PRKCE: variants seen among roughly 807,000 people sequenced by gnomAD.
The protein encoded by PRKCE is protein kinase C epsilon type.
PRKCE carries 16 observed loss-of-function variants against 85.4 expected under a neutral mutation model. That is an observed-to-expected ratio of 0.19 (90% confidence interval 0.13 to 0.28). PRKCE has a LOEUF of 0.28. Among genes scored for constraint, PRKCE ranks in the 10% least tolerant of loss-of-function variants. The pLI is 1.00. For synonymous variants in PRKCE, 388 were observed against 371.5 expected, an observed-to-expected ratio of 1.04 and a Z score of -0.51; for missense variants, 573 against 975.2, an observed-to-expected ratio of 0.59 and a Z score of 5.49.
chr2:45,817,140 G>A (rs1032728998), intron 1 of PRKCE, among the ~76,000 whole-genome samples: 7 of 151,168 alleles, frequency 4.6e-5, no homozygotes, highest in Admixed American at 6.6e-5. Context: ...CAGGGGGAGC[G>A]ACCTCTTTTG....
intron 11 of PRKCE, among the ~76,000 whole-genome samples, chr2:46,127,918 G>A (rs1431470332): frequency 6.6e-6 from 1 of 152,214 alleles, no homozygotes; most frequent in Non-Finnish European, 1.5e-5. Flanking sequence ...AAACACAGTG[G>A]GTCAGCTCAC....
At chr2:46,112,653 G>C (rs1672384578) in intron 11 of PRKCE, among the ~76,000 whole-genome samples, 1 of 152,038 alleles carries the variant, frequency 6.6e-6, no homozygotes, top group South Asian at 2.1e-4. Context: ...CCAAGTAGCT[G>C]GGATTACAGG....
chr2:46,165,263 C>G (rs959427518), intron 14 of PRKCE, among the ~76,000 whole-genome samples: 5 of 152,230 alleles, frequency 3.3e-5, no homozygotes, highest in Non-Finnish European at 7.3e-5. Flanking sequence ...TCCACTTTCC[C>G]TTTTGTATTC....
chr2:45,733,106 G>T (rs1466429846), intron 1 of PRKCE, among the ~76,000 whole-genome samples: 2 of 152,204 alleles, frequency 1.3e-5, no homozygotes, highest in Non-Finnish European at 2.9e-5. Flanking sequence ...TGGGGCTGCG[G>T]TTTACTGGTG....
chr2:46,089,051 G>A (rs1227602186), intron 11 of PRKCE, among the ~76,000 whole-genome samples: 1 of 152,060 alleles, frequency 6.6e-6, no homozygotes, highest in Non-Finnish European at 1.5e-5. Context: ...TCACCAACCT[G>A]TGACCACTTT....
At chr2:45,698,371 T>C (rs541311622) in intron 1 of PRKCE, among the ~76,000 whole-genome samples, 33 of 150,684 alleles carry the variant, frequency 2.2e-4, no homozygotes, top group South Asian at 8.4e-4. Context: ...CAGTTGGGGG[T>C]GAAAGTGAAG....
intron 2 of PRKCE, among the ~76,000 whole-genome samples, chr2:45,900,767 G>A (rs1425124664): frequency 1.3e-5 from 2 of 152,182 alleles, no homozygotes; most frequent in African/African-American, 2.4e-5. Context: ...TTTTAACCAC[G>A]TTTGTGTAAT....
At position 45,901,155 on chromosome 2, in the gene PRKCE, A is replaced by G. The variant is rs183962909; in HGVS notation, c.412+58092A>G. 6.0e-4 allele frequency among the ~76,000 whole-genome samples: 91 copies of G among 152,346 alleles called. 1 individual carries two copies. The highest frequency in any genetic ancestry group is 2.1e-3 in the African/African-American group (86 of 41,586). ...TATATAGATGTTTGGAATCCATTTT[A>G]CTGGAAATCTCATTGAGATTTGAGA... is the stretch of plus-strand genomic sequence containing the variant. On this transcript the variant is annotated intron_variant, in intron 2 of 14. Transcript: ENST00000306156.
chr2:45,757,111 C>G (rs983976975), intron 1 of PRKCE, among the ~76,000 whole-genome samples: 1 of 151,664 alleles, frequency 6.6e-6, no homozygotes, highest in African/African-American at 2.4e-5. Flanking sequence ...ATTAGCCAGG[C>G]TAATTTAGAG....
rs561987489 is a variant in PRKCE at position 45,907,200 on chromosome 2, A to G, written c.412+64137A>G. On this transcript the variant is annotated intron_variant, in intron 2 of 14. Coordinates refer to ENST00000306156, the MANE Select transcript of PRKCE (RefSeq NM_005400.3). This position sits in a 1 kb window ranked among gnomAD's most constrained non-coding sequence, Gnocchi z 4.5. ...GGAAAGAAAGCCCGAGAGAAGAGAA[A>G]AATGAAGCTTTAACTATCACAGAGC... Among the ~76,000 whole-genome samples, 3 of 152,360 alleles carry G rather than the reference A, an allele frequency of 2.0e-5. No individual in the cohort carries two copies. The highest frequency in any genetic ancestry group is 1.9e-4 in the East Asian group (1 of 5,184).
chr2:45,796,337 T>G (rs1019342372), intron 1 of PRKCE, among the ~76,000 whole-genome samples: 1 of 152,216 alleles, frequency 6.6e-6, no homozygotes, highest in African/African-American at 2.4e-5. Context: ...CTTTATGCAT[T>G]AATTTTCTCA....
At chr2:45,738,366 G>C (rs1270089690) in intron 1 of PRKCE, among the ~76,000 whole-genome samples, 1 of 152,096 alleles carries the variant, frequency 6.6e-6, no homozygotes, top group East Asian at 1.9e-4. Context: ...GAGCTGATTT[G>C]CTGTTTTCTT....
At chr2:45,915,549 T>C (rs1168974747) in intron 2 of PRKCE, among the ~76,000 whole-genome samples, 3 of 152,184 alleles carry the variant, frequency 2.0e-5, no homozygotes, top group Non-Finnish European at 1.5e-5. Flanking sequence ...AGGAGCAAGT[T>C]GTTTCTACCT....
chr2:45,652,142 G>A lies in PRKCE; in HGVS notation c.42G>A (p.Glu14=). The change falls in exon 1 of 15, where the codon GAG becomes GAA. Residue 14 remains glutamate, a synonymous_variant. Transcript: ENST00000306156. The surrounding 1 kb of genome is among the most constrained non-coding windows in gnomAD (Gnocchi z 7.7). The stretch of plus-strand genomic sequence containing the variant: ...GCCTTCTTAAGATCAAAATCTGCGA[G>A]GCCGTGAGCTTGAAGCCCACAGCCT... The part of the protein sequence containing the change: ...FNGLLKIKIC[E]AVSLKPTAWS... The A allele has an allele frequency of 6.2e-7, 1 of 1,602,174 alleles. No homozygotes were observed. Among genetic ancestry groups the A allele is most frequent in the Non-Finnish European group, 8.5e-7 (1 of 1,174,392 alleles).
chr2:45,673,339 GTAAATGAAGC>G (rs1457242375), intron 1 of PRKCE, among the ~76,000 whole-genome samples: 1 of 152,174 alleles, frequency 6.6e-6, no homozygotes, highest in Non-Finnish European at 1.5e-5. Flanking sequence ...AAACCATAGA[GTAAATGAAGC>G]TAAACATTTA....
At chr2:46,129,436 A>G (rs556857794) in intron 11 of PRKCE, among the ~76,000 whole-genome samples, 1 of 152,054 alleles carries the variant, frequency 6.6e-6, no homozygotes, top group African/African-American at 2.4e-5. Flanking sequence ...TATTTTTTTT[A>G]TATGTGTTGA....
intron 1 of PRKCE, among the ~76,000 whole-genome samples, chr2:45,659,496 T>G (rs1396993346): frequency 6.6e-6 from 1 of 152,226 alleles, no homozygotes; most frequent in African/African-American, 2.4e-5. Flanking sequence ...CTCCTGTCTC[T>G]GCTCACAGAT....
intron 2 of PRKCE, among the ~76,000 whole-genome samples, chr2:45,933,672 T>G (rs1214203736): frequency 2.6e-5 from 4 of 151,932 alleles, no homozygotes; most frequent in African/African-American, 9.7e-5. Context: ...GAGACGGGGT[T>G]TCACCATATT....
At chr2:45,951,606 G>A (rs1700626815) in intron 2 of PRKCE, among the ~76,000 whole-genome samples, 1 of 152,194 alleles carries the variant, frequency 6.6e-6, no homozygotes, top group African/African-American at 2.4e-5. Context: ...TAGGACCAAT[G>A]CAGCATCTCA....
Sources: gnomAD v4.1 joint callset for allele counts (sites outside exome capture counted in the v4.1 genomes callset) on GRCh38, gnomAD v4.1.1 for gene constraint, Gnocchi (gnomAD v3.1) non-coding constraint, MANE v1.5 for transcripts, NCBI Gene and HGNC (gene_info 2026-07-23, HGNC 2026-07-21) for gene names.